CDC5L: variants seen among roughly 807,000 people sequenced by gnomAD.
CDC5L encodes cell division cycle 5 like.
A neutral mutation model predicts 104.1 loss-of-function variants in CDC5L; 18 were observed. The observed-to-expected ratio is 0.17, with a 90% CI of 0.12 to 0.26. The LOEUF (loss-of-function observed/expected upper bound fraction) is 0.26. Ranked by LOEUF, CDC5L falls within the 10% of genes least tolerant of loss-of-function variation. The pLI, the probability that CDC5L is intolerant of heterozygous loss-of-function variation, is 1.00. For synonymous variants in CDC5L, 331 were observed against 322.7 expected, an observed-to-expected ratio of 1.03 and a Z score of -0.28; for missense variants, 673 against 956.9, an observed-to-expected ratio of 0.70 and a Z score of 3.91.
Position 44,429,727 on chromosome 6 carries a change from G to T in CDC5L, c.1908G>T (p.Leu636Phe). 6.2e-7 allele frequency: 1 copy of T among 1,613,678 alleles called. No homozygotes were observed. The highest frequency in any genetic ancestry group is 8.5e-7 in the Non-Finnish European group (1 of 1,179,656). The part of the protein sequence containing the change: ...KEELKKAQDV[L>F]VQEMEVVKQG... ...ATTGTAAACAGGCCCAGGATGTTTT[G>T]GTGCAGGAGATGGAAGTGGTTAAAC... The change falls in exon 14 of 16, where the codon TTG (leucine) becomes TTT (phenylalanine). Residue 636 changes from leucine to phenylalanine, a missense_variant. By Grantham distance (22) the Leu-to-Phe change is conservative. Around this residue, in one of 4 missense-constraint regions of CDC5L, gnomAD observed 578 missense variants for 737.0 expected, o/e 0.78. Coordinates refer to ENST00000371477, the MANE Select transcript of CDC5L (RefSeq NM_001253.4).
Position 44,426,654 on chromosome 6 carries a change from A to G in CDC5L, c.1823A>G (p.Asn608Ser), listed in dbSNP as rs1466521785. The change falls in exon 13 of 16, where the codon AAT becomes AGT. Residue 608 changes from asparagine (N) to serine (S), a missense_variant. Around this residue, in one of 4 missense-constraint regions of CDC5L, gnomAD observed 578 missense variants for 737.0 expected, o/e 0.78. Transcript: ENST00000371477. Reference sequence around the variant, plus strand: ...GGCAAAACTGTAGGGTTTGGTACCAATAATTCAGAGCACATTACCTATCTG... The same window carrying G: ...GGCAAAACTGTAGGGTTTGGTACCAGTAATTCAGAGCACATTACCTATCTG... The part of the protein sequence containing the change: ...KKGKTVGFGT[N>S]NSEHITYLEH... 4.3e-6 allele frequency: 7 copies of G among 1,613,108 alleles called. No individual in the cohort carries two copies. Among genetic ancestry groups the G allele is most frequent in the East Asian group, 4.5e-5 (2 of 44,820 alleles).
In CDC5L at chr6:44,438,570, A is replaced by G. The variant is rs146577941; in HGVS notation, c.2092-7085A>G. Reference sequence around the variant, plus strand: ...TTGAAAACCACTGGCGTAAAAAGACATACTCCAGAAATATTTGAAGTGGAA... The same window carrying G: ...TTGAAAACCACTGGCGTAAAAAGACGTACTCCAGAAATATTTGAAGTGGAA... On this transcript the variant is annotated intron_variant, in intron 14 of 15. Transcript: ENST00000371477. Among the ~76,000 whole-genome samples, 9 of 152,230 alleles carry G rather than the reference A, an allele frequency of 5.9e-5. No homozygotes were observed. The East Asian group carries it at 7.7e-4, about 13-fold the overall frequency.
chr6:44,406,199 G>T (rs2153377268), intron 6 of CDC5L, 124 bp from the exon 7 acceptor site: 1 of 727,328 alleles, frequency 1.4e-6, no homozygotes, highest in South Asian at 2.0e-5. Flanking sequence ...ATTGCACCTG[G>T]CCTTTTCAGT....
At chr6:44,443,186 C>T (rs754558213) in intron 14 of CDC5L, among the ~76,000 whole-genome samples, 1 of 151,288 alleles carries the variant, frequency 6.6e-6, no homozygotes, top group Non-Finnish European at 1.5e-5. Flanking sequence ...TCATCCCACT[C>T]CCTTCTGGCC....
intron 8 of CDC5L, among the ~76,000 whole-genome samples, chr6:44,417,282 T>G (rs936460387): frequency 6.6e-6 from 1 of 152,118 alleles, no homozygotes; most frequent in African/African-American, 2.4e-5. Flanking sequence ...GTGGAGTGAA[T>G]CTGCATGTGG....
chr6:44,410,158 A>G (rs533510088), intron 8 of CDC5L, among the ~76,000 whole-genome samples: 87 of 152,226 alleles, frequency 5.7e-4, no homozygotes, highest in South Asian at 2.5e-3. Context: ...TGTAATGTAT[A>G]ATATCTTGAA....
At chr6:44,418,474 T>C (rs1452457807) in intron 8 of CDC5L, among the ~76,000 whole-genome samples, 1 of 152,232 alleles carries the variant, frequency 6.6e-6, no homozygotes, top group Admixed American at 6.5e-5. Flanking sequence ...CATGTGTCTT[T>C]ATAGCAGCAT....
chr6:44,416,661 C>T (rs892339892), intron 8 of CDC5L, among the ~76,000 whole-genome samples: 2 of 152,332 alleles, frequency 1.3e-5, no homozygotes, highest in South Asian at 4.1e-4. Flanking sequence ...AAGGATAATT[C>T]ACCACATAGG....
At chr6:44,441,124 A>G (rs984136997) in intron 14 of CDC5L, among the ~76,000 whole-genome samples, 6 of 152,172 alleles carry the variant, frequency 3.9e-5, no homozygotes, top group African/African-American at 1.4e-4. Context: ...CCTTTGACCA[A>G]CATCTCCCCT....
intron 14 of CDC5L, among the ~76,000 whole-genome samples, chr6:44,430,974 T>G (rs1792657635): frequency 6.6e-6 from 1 of 152,198 alleles, no homozygotes; most frequent in African/African-American, 2.4e-5. Flanking sequence ...AAAATCGTCT[T>G]GGTTTCCTCT....
At chr6:44,404,605 A>G (rs1055596200) in intron 6 of CDC5L, among the ~76,000 whole-genome samples, 3 of 152,194 alleles carry the variant, frequency 2.0e-5, no homozygotes, top group Non-Finnish European at 4.4e-5. Context: ...TTTGAATCAC[A>G]TCTTAACTTT....
chr6:44,407,352 G>A (rs1214007580), intron 7 of CDC5L, among the ~76,000 whole-genome samples: 4 of 150,728 alleles, frequency 2.7e-5, no homozygotes, highest in Non-Finnish European at 4.4e-5. Context: ...TTTTGAGACG[G>A]AGTCTTGCTC....
At chr6:44,413,426 A>AGACGGAGTCTCGCT (rs1791748719) in intron 8 of CDC5L, among the ~76,000 whole-genome samples, 1 of 151,966 alleles carries the variant, frequency 6.6e-6, no homozygotes, top group Non-Finnish European at 1.5e-5. Context: ...CTACCTTTTG[A>AGACGGAGTCTCGCT]CTGTTAGGAA....
chr6:44,438,254 T>C (rs1407330521), intron 14 of CDC5L, among the ~76,000 whole-genome samples: 1 of 152,236 alleles, frequency 6.6e-6, no homozygotes, highest in African/African-American at 2.4e-5. Flanking sequence ...TGGCTGAACA[T>C]GTTAAATTAT....
At chr6:44,422,597 A>G in intron 9 of CDC5L, 50 bp from the exon 10 acceptor site, 1 of 1,167,216 alleles carries the variant, frequency 8.6e-7, no homozygotes, top group Non-Finnish European at 1.2e-6. Context: ...TTGAAAGCAC[A>G]ATCCAAATGT....
At position 44,391,151 on chromosome 6, in the gene CDC5L, CAT is replaced by C. The variant is rs531629151; in HGVS notation, c.149+783_149+784del. 1.3e-3 allele frequency among the ~76,000 whole-genome samples: 190 copies of C among 143,814 alleles called. 1 individual carries two copies. The highest frequency in any genetic ancestry group is 7.3e-3 in the South Asian group (34 of 4,648). The allele number at this position is 143,814 out of a possible 152,430, so 94.3% of individuals were successfully genotyped here. On this transcript the variant is annotated intron_variant, in intron 2 of 15. Transcript: ENST00000371477. ...AATATGTTATATATTATATATTAAA[CAT>C]ATTTAATATGTTATATATTGTATAT...
At chr6:44,423,021 A>G (rs978856090) in intron 10 of CDC5L, among the ~76,000 whole-genome samples, 3 of 152,214 alleles carry the variant, frequency 2.0e-5, no homozygotes, top group Admixed American at 6.5e-5. Context: ...GTTTGTGAAT[A>G]TTGATGTTCG....
At chr6:44,441,139 C>T (rs1793167812) in intron 14 of CDC5L, among the ~76,000 whole-genome samples, 1 of 152,208 alleles carries the variant, frequency 6.6e-6, no homozygotes, top group South Asian at 2.1e-4. Context: ...TCCCCTTTCC[C>T]TATCTACCCT....
chr6:44,421,130 C>T (rs1289590004), intron 9 of CDC5L, among the ~76,000 whole-genome samples: 1 of 152,142 alleles, frequency 6.6e-6, no homozygotes, highest in East Asian at 1.9e-4. Flanking sequence ...ATTCTAAGAT[C>T]GTTAATATTT....
Sources: allele counts gnomAD v4.1 joint callset (sites outside exome capture counted in the v4.1 genomes callset), GRCh38; gene constraint gnomAD v4.1.1; regional missense constraint gnomAD v4.1.1; transcripts MANE v1.5; gene names NCBI Gene and HGNC (gene_info 2026-07-23, HGNC 2026-07-21).